Variants in RBFOX1 observed in about 807,000 individuals in gnomAD.
RBFOX1 encodes the protein RNA binding fox-1 homolog 1.
In RBFOX1, 8 loss-of-function variants were observed where a neutral mutation model predicts 57.7. The ratio of observed to expected loss-of-function variants is 0.14; its 90% CI spans 0.08 to 0.25. RBFOX1 has a LOEUF of 0.25. RBFOX1 is among the 10% of genes least tolerant of loss of function. RBFOX1 has a pLI of 1.00. For synonymous variants in RBFOX1, 326 were observed against 222.4 expected (o/e 1.47, Z -4.15); for missense variants, 611 against 548.5 (o/e 1.11, Z -1.14).
chr16:5,816,671 C>G (rs1048352484), intron 3 of RBFOX1, among the ~76,000 whole-genome samples: 4 of 152,048 alleles, frequency 2.6e-5, no homozygotes, highest in Admixed American at 6.5e-5. Flanking sequence ...ATAGTCCCAA[C>G]TACTAGGGAG....
chr16:6,370,875 G>A (rs944220679), intron 2 of RBFOX1, among the ~76,000 whole-genome samples: 1 of 152,148 alleles, frequency 6.6e-6, no homozygotes. Flanking sequence ...ACAAGAGAGT[G>A]GGTCCTCAAT....
rs190669207 is a variant in RBFOX1 at position 6,491,021 on chromosome 16, A to T, written c.-63-163582A>T. Among the ~76,000 whole-genome samples the T allele has an allele frequency of 7.6e-4, 116 of 152,268 alleles. 3 individuals carry two copies. Among genetic ancestry groups the T allele is most frequent in the Non-Finnish European group, 4.3e-4 (29 of 68,022 alleles). On this transcript the variant is annotated intron_variant, in intron 2 of 15. Coordinates refer to ENST00000550418, the MANE Select transcript of RBFOX1 (RefSeq NM_018723.4). Reference sequence around the variant, plus strand: ...GTTCAGTGGGAAAATAAATGAGATGAACCCACATAACCAAGACTACCCAGT... The same window carrying T: ...GTTCAGTGGGAAAATAAATGAGATGTACCCACATAACCAAGACTACCCAGT...
intron 4 of RBFOX1, among the ~76,000 whole-genome samples, chr16:5,964,563 A>G (rs1167710579): frequency 1.3e-5 from 2 of 152,186 alleles, no homozygotes; most frequent in African/African-American, 4.8e-5. Flanking sequence ...GTATATGTGT[A>G]TATATGTATC....
intron 3 of RBFOX1, among the ~76,000 whole-genome samples, chr16:5,748,855 AT>A (rs2053084435): frequency 6.6e-6 from 1 of 152,178 alleles, no homozygotes; most frequent in Non-Finnish European, 1.5e-5. Flanking sequence ...TAATTGGAGC[AT>A]TTAGCCCATT....
chr16:6,593,232 C>A (rs1290709211), intron 2 of RBFOX1, among the ~76,000 whole-genome samples: 1 of 152,142 alleles, frequency 6.6e-6, no homozygotes, highest in East Asian at 1.9e-4. Flanking sequence ...TCACCCTCTT[C>A]CACGTACCCA....
intron 4 of RBFOX1, among the ~76,000 whole-genome samples, chr16:7,161,589 A>G (rs540701959): frequency 2.6e-5 from 4 of 152,152 alleles, no homozygotes; most frequent in Non-Finnish European, 5.9e-5. Context: ...CCTACTAAGA[A>G]TCAGATTTAA....
chr16:7,353,331 C>T (rs1012832958), intron 4 of RBFOX1, among the ~76,000 whole-genome samples: 2 of 151,986 alleles, frequency 1.3e-5, no homozygotes. Flanking sequence ...AGCAAAGATG[C>T]GGAGAAATTG....
chr16:6,296,428 T>C (rs1388014132), intron 1 of RBFOX1, among the ~76,000 whole-genome samples: 2 of 151,550 alleles, frequency 1.3e-5, no homozygotes, highest in Admixed American at 1.3e-4. Context: ...ATGTACTTTT[T>C]TTTTTTTTTC....
At chr16:5,681,138 A>G (rs2151436374) in intron 3 of RBFOX1, among the ~76,000 whole-genome samples, 1 of 151,698 alleles carries the variant, frequency 6.6e-6, no homozygotes, top group Non-Finnish European at 1.5e-5. Flanking sequence ...CAGTGGTGCG[A>G]TCTCGGCTCA....
At chr16:6,163,914 G>C (rs886216575) in intron 1 of RBFOX1, among the ~76,000 whole-genome samples, 1 of 152,098 alleles carries the variant, frequency 6.6e-6, no homozygotes, top group Non-Finnish European at 1.5e-5. Context: ...TTTTCTTATT[G>C]AGTATATTTG....
chr16:5,723,908 A>T (rs12325295), intron 3 of RBFOX1, among the ~76,000 whole-genome samples: 204 of 152,040 alleles, frequency 1.3e-3, no homozygotes, highest in African/African-American at 4.6e-3. Context: ...TAAAGAGCTC[A>T]AGTCAAGAAG....
At chr16:7,305,277 C>G (rs911917885) in intron 4 of RBFOX1, among the ~76,000 whole-genome samples, 8 of 152,008 alleles carry the variant, frequency 5.3e-5, no homozygotes, top group African/African-American at 1.9e-4. Context: ...CCTTGGGACC[C>G]TCTCTGCTCT....
At chr16:5,751,262 G>C (rs913656638) in intron 3 of RBFOX1, among the ~76,000 whole-genome samples, 3 of 152,150 alleles carry the variant, frequency 2.0e-5, no homozygotes, top group Non-Finnish European at 4.4e-5. Flanking sequence ...TTTCTTCTCA[G>C]CTCTAAACTT....
chr16:5,710,561 T>A (rs1441913164), intron 3 of RBFOX1, among the ~76,000 whole-genome samples: 1 of 152,200 alleles, frequency 6.6e-6, no homozygotes, highest in Non-Finnish European at 1.5e-5. Flanking sequence ...AGCTTCCCAA[T>A]TAATCTTTTC....
At chr16:6,600,906 T>C (rs915137503) in intron 2 of RBFOX1, among the ~76,000 whole-genome samples, 1 of 152,222 alleles carries the variant, frequency 6.6e-6, no homozygotes, top group South Asian at 2.1e-4. Flanking sequence ...GCCTCTAATA[T>C]GACTAAACAA....
intron 3 of RBFOX1, among the ~76,000 whole-genome samples, chr16:6,962,599 G>A (rs1214057847): frequency 1.3e-5 from 2 of 152,082 alleles, no homozygotes; most frequent in Non-Finnish European, 2.9e-5. Flanking sequence ...AGGAGCTCAT[G>A]CCTACCTATA....
intron 1 of RBFOX1, among the ~76,000 whole-genome samples, chr16:6,230,689 C>A (rs776531276): frequency 6.6e-6 from 1 of 152,200 alleles, no homozygotes; most frequent in Non-Finnish European, 1.5e-5. Flanking sequence ...AGGGGACCTT[C>A]ATTTGCCTGA....
At chr16:6,012,171 G>T (rs575566276) in intron 4 of RBFOX1, among the ~76,000 whole-genome samples, 1 of 152,190 alleles carries the variant, frequency 6.6e-6, no homozygotes. Context: ...CTACCTTGGC[G>T]ACTGTGAGCA....
chr16:7,304,911 G>T (rs981855329), intron 4 of RBFOX1, among the ~76,000 whole-genome samples: 13 of 118,540 alleles, frequency 1.1e-4, no homozygotes, highest in Admixed American at 4.3e-4. Flanking sequence ...GTGGTGTGTG[G>T]TGTGGTGTGT....
Sources: gnomAD v4.1 joint callset for allele counts (sites outside exome capture counted in the v4.1 genomes callset) on GRCh38, gnomAD v4.1.1 for gene constraint, MANE v1.5 for transcripts, NCBI Gene and HGNC (gene_info 2026-07-23, HGNC 2026-07-21) for gene names.